Variants in ARMC8 observed in about 807,000 individuals in gnomAD.
The protein encoded by ARMC8 is armadillo repeat-containing protein 8.
A neutral mutation model predicts 99.3 loss-of-function variants in ARMC8; 20 were observed. The ratio of observed to expected loss-of-function variants is 0.20; its 90% CI spans 0.14 to 0.29. ARMC8 has a LOEUF of 0.29. Ranked by LOEUF, ARMC8 falls within the 10% of genes least tolerant of loss-of-function variation. ARMC8 has a pLI of 1.00. For synonymous variants in ARMC8, 263 were observed against 278.3 expected (o/e 0.95, Z 0.55); for missense variants, 569 against 809.5 (o/e 0.70, Z 3.60).
At chr3:138,261,594 T>C (rs556705354) in intron 12 of ARMC8, 2 of 152,238 alleles carry the variant, frequency 1.3e-5, no homozygotes, top group South Asian at 4.2e-4. Flanking sequence ...GAGATGGAGA[T>C]GGACAGAGCC....
chr3:138,263,961 T>A (rs2048004875), intron 13 of ARMC8, 140 bp downstream of exon 13: 2 of 974,346 alleles, frequency 2.1e-6, no homozygotes, highest in Non-Finnish European at 3.2e-6. Context: ...TATATAACAT[T>A]GTCTAACAGA....
intron 9 of ARMC8, 135 bp from the exon 10 acceptor site, chr3:138,239,333 T>C: frequency 3.4e-6 from 2 of 596,638 alleles, no homozygotes; most frequent in Non-Finnish European, 5.8e-6. Context: ...AAAAGCGAAT[T>C]GTCAAAATCT....
intron 18 of ARMC8, among the ~76,000 whole-genome samples, chr3:138,274,871 A>T (rs79301049): frequency 0.014 from 2,069 of 152,254 alleles, 50 homozygotes; most frequent in African/African-American, 0.048. Context: ...CAGGATAAAT[A>T]AATAGTGGTT....
At chr3:138,214,810 T>A (rs7637825) in intron 2 of ARMC8, among the ~76,000 whole-genome samples, 1 of 152,090 alleles carries the variant, frequency 6.6e-6, no homozygotes, top group African/African-American at 2.4e-5. Context: ...CCTGCCACCA[T>A]GCACAGCTAA....
intron 16 of ARMC8, among the ~76,000 whole-genome samples, chr3:138,271,339 A>G (rs2048767943): frequency 6.6e-6 from 1 of 152,082 alleles, no homozygotes; most frequent in African/African-American, 2.4e-5. Flanking sequence ...CTGGTTTCCA[A>G]TTCTCATTAC....
intron 6 of ARMC8, among the ~76,000 whole-genome samples, chr3:138,231,056 G>A (rs1388318171): frequency 1.3e-5 from 2 of 152,170 alleles, no homozygotes; most frequent in Non-Finnish European, 2.9e-5. Context: ...AATTGGATAA[G>A]TTAGCATTTG....
rs1028643490 is a variant in ARMC8 at position 138,223,679 on chromosome 3, A to C, written c.381A>C (p.Arg127=). 2 of 1,614,214 alleles carry C rather than the reference A, an allele frequency of 1.2e-6. No homozygotes were observed. Among genetic ancestry groups the C allele is most frequent in the Non-Finnish European group, 1.7e-6 (2 of 1,180,040 alleles). The change falls in exon 5 of 22, where the codon CGA becomes CGC. Residue 127 remains arginine, a synonymous_variant. Transcript: ENST00000469044. The part of the protein sequence containing the change: ...PDLKFIEACL[R]CLRTIFTSPV... The stretch of plus-strand genomic sequence containing the variant: ...TGAAGTTTATTGAAGCTTGCCTCCG[A>C]TGCCTGCGTACCATCTTCACCAGTC...
At position 138,205,060 on chromosome 3, in the gene ARMC8, C is replaced by CTTTTTTTT. The variant is rs71146118; in HGVS notation, c.46-4738_46-4731dup. Among the ~76,000 whole-genome samples the CTTTTTTTT allele has an allele frequency of 2.1e-3, 193 of 93,240 alleles. 8 individuals are homozygous for CTTTTTTTT. The highest frequency in any genetic ancestry group is 7.2e-3 in the African/African-American group (163 of 22,598). 61.2% of individuals were successfully genotyped at this position (93,240 alleles called of 152,430 possible). ...AACTCAGTCTCTTTTCTTTTCTTTT[C>CTTTTTTTT]TTTTTTTTTTTTTTTTTTTTTTTTT... On this transcript the variant is annotated intron_variant, in intron 1 of 21. Transcript: ENST00000469044.
At chr3:138,211,595 G>A (rs2044698384) in intron 2 of ARMC8, among the ~76,000 whole-genome samples, 1 of 152,232 alleles carries the variant, frequency 6.6e-6, no homozygotes, top group Admixed American at 6.5e-5. Flanking sequence ...CTAATTAGCT[G>A]TCAGCTAGAC....
At chr3:138,237,780 C>T (rs754231893) in intron 9 of ARMC8, among the ~76,000 whole-genome samples, 7 of 152,242 alleles carry the variant, frequency 4.6e-5, no homozygotes, top group South Asian at 2.1e-4. Flanking sequence ...CAGGAACTCT[C>T]GTATAACATC....
intron 12 of ARMC8, among the ~76,000 whole-genome samples, chr3:138,259,474 A>G (rs986355387): frequency 2.6e-5 from 4 of 152,158 alleles, no homozygotes; most frequent in African/African-American, 4.8e-5. Context: ...TTGGAATTCA[A>G]AGTTTACATT....
At chr3:138,205,420 A>G (rs955522978) in intron 1 of ARMC8, among the ~76,000 whole-genome samples, 17 of 151,944 alleles carry the variant, frequency 1.1e-4, no homozygotes, top group Admixed American at 7.2e-4. Context: ...CACACCCTAC[A>G]TCGAGTCTAA....
chr3:138,249,817 A>G (rs895513457), intron 12 of ARMC8, among the ~76,000 whole-genome samples: 9 of 152,314 alleles, frequency 5.9e-5, no homozygotes, highest in South Asian at 2.1e-4. Context: ...TAAAACCTCA[A>G]TAAGTCAGAG....
chr3:138,216,811 C>T (rs75679480), intron 2 of ARMC8, among the ~76,000 whole-genome samples: 9,728 of 152,144 alleles, frequency 0.064, 1,014 homozygotes, highest in African/African-American at 0.22. Flanking sequence ...CAGAAATACA[C>T]ATAGAGTATT....
chr3:138,277,509 G>A (rs1490242363), intron 18 of ARMC8, among the ~76,000 whole-genome samples: 1 of 152,210 alleles, frequency 6.6e-6, no homozygotes, highest in Non-Finnish European at 1.5e-5. Flanking sequence ...TCTGACAAAT[G>A]ACTTGTGTCC....
At chr3:138,252,228 G>T (rs2047150589) in intron 12 of ARMC8, among the ~76,000 whole-genome samples, 1 of 152,094 alleles carries the variant, frequency 6.6e-6, no homozygotes, top group Admixed American at 6.6e-5. Context: ...AATATTTTCT[G>T]ACATATGAAA....
At chr3:138,217,886 G>A (rs993088901) in intron 2 of ARMC8, among the ~76,000 whole-genome samples, 2 of 152,128 alleles carry the variant, frequency 1.3e-5, no homozygotes, top group East Asian at 1.9e-4. Flanking sequence ...GTAGTCACTC[G>A]ACATGTCACA....
intron 3 of ARMC8, among the ~76,000 whole-genome samples, 174 bp downstream of exon 3, chr3:138,222,171 G>A (rs866917728): frequency 3.3e-5 from 5 of 152,096 alleles, no homozygotes; most frequent in Admixed American, 1.3e-4. Context: ...AAATTATAAA[G>A]TAACAGAGAA....
At chr3:138,293,550 AAAG>A (rs1490264559) in intron 21 of ARMC8, among the ~76,000 whole-genome samples, 1 of 152,034 alleles carries the variant, frequency 6.6e-6, no homozygotes, top group African/African-American at 2.4e-5. Flanking sequence ...AAAAAAAAGA[AAAG>A]AGGAAGAAGA....
Sources: gnomAD v4.1 joint callset for allele counts (sites outside exome capture counted in the v4.1 genomes callset) on GRCh38, gnomAD v4.1.1 for gene constraint, MANE v1.5 for transcripts, NCBI Gene and HGNC (gene_info 2026-07-23, HGNC 2026-07-21) for gene names.